The following TENM2 variants were observed in gnomAD, a reference collection of about 807,000 sequenced individuals.
TENM2 encodes the protein teneurin-2.
In TENM2, 52 loss-of-function variants were observed where a neutral mutation model predicts 245.2. That is an observed-to-expected ratio of 0.21 (90% CI 0.17 to 0.27). The LOEUF (loss-of-function observed/expected upper bound fraction) is 0.27, where lower values mean the gene tolerates loss of function less well. TENM2 is among the 10% of genes least tolerant of loss of function. The pLI, the probability that TENM2 is intolerant of heterozygous loss-of-function variation, is 1.00. For missense variants in TENM2, 3,046 were observed against 3,666.8 expected (o/e 0.83, Z 4.37); for synonymous variants, 1,363 against 1,438.9 (o/e 0.95, Z 1.19).
At chr5:167,346,773 C>G (rs867964596) in intron 1 of TENM2, among the ~76,000 whole-genome samples, 20 of 152,048 alleles carry the variant, frequency 1.3e-4, no homozygotes, top group Non-Finnish European at 2.5e-4. Flanking sequence ...CAAGCCCCAA[C>G]TATTTTTTTT....
At chr5:167,769,931 CAG>C (rs910261165) in intron 2 of TENM2, among the ~76,000 whole-genome samples, 9 of 152,078 alleles carry the variant, frequency 5.9e-5, no homozygotes, top group African/African-American at 2.2e-4. Context: ...CCAGTAAAGA[CAG>C]AGTTTGTTGT....
At chr5:167,244,200 A>C in the TENM2 span, among the ~76,000 whole-genome samples, 3 of 152,180 alleles carry the variant, frequency 2.0e-5, no homozygotes, top group Non-Finnish European at 4.4e-5. Flanking sequence ...AGGTCTTTAC[A>C]TTTAAGCTTA....
At chr5:167,404,978 C>A (rs6863935) in intron 2 of TENM2, among the ~76,000 whole-genome samples, 35,939 of 152,028 alleles carry the variant, frequency 0.24, 4,308 homozygotes, top group South Asian at 0.29. Context: ...ATCCATCAAT[C>A]TACTTTGTGA....
intron 27 of TENM2, among the ~76,000 whole-genome samples, chr5:168,248,938 G>A (rs1168156944): frequency 3.3e-5 from 5 of 152,116 alleles, no homozygotes; most frequent in Admixed American, 3.3e-4. Flanking sequence ...GGCCAAGATG[G>A]TGAAACACCA....
At chr5:167,495,251 T>G (rs1050468322) in intron 2 of TENM2, among the ~76,000 whole-genome samples, 7 of 151,708 alleles carry the variant, frequency 4.6e-5, no homozygotes, top group South Asian at 2.1e-4. Flanking sequence ...TTTGTTTTTT[T>G]TTTTTGCATA....
chr5:168,128,574 T>C (rs1796020707), intron 12 of TENM2, among the ~76,000 whole-genome samples: 1 of 152,230 alleles, frequency 6.6e-6, no homozygotes, highest in Non-Finnish European at 1.5e-5. Flanking sequence ...AGGGTTAGTG[T>C]TTCCACAATG....
the TENM2 span, among the ~76,000 whole-genome samples, chr5:167,162,941 A>C: frequency 6.6e-6 from 1 of 152,210 alleles, no homozygotes; most frequent in African/African-American, 2.4e-5. Context: ...CTCTCAATTG[A>C]ATGGGTAGAA....
chr5:167,208,813 TG>T, the TENM2 span, among the ~76,000 whole-genome samples: 1 of 152,236 alleles, frequency 6.6e-6, no homozygotes, highest in Non-Finnish European at 1.5e-5. Flanking sequence ...ATGTCTAAAA[TG>T]ACATCAGACC....
exon 3 of TENM2, chr5:167,876,100 C>A (rs1002425367): frequency 8.4e-6 from 13 of 1,551,542 alleles, no homozygotes; most frequent in Non-Finnish European, 1.7e-6. Context: ...AGCAACACCT[C>A]CCATCAAATC....
In TENM2 at chr5:168,218,994, C is replaced by G. The variant is rs1218930921; in HGVS notation, c.5103C>G (p.Phe1701Leu). ...GCGATGAAACAGGATGGACGACTTTCTATGAGTAAGTGGGTTTGTAAAGCA... is the reference window on the plus strand; with the variant it reads ...GCGATGAAACAGGATGGACGACTTTGTATGAGTAAGTGGGTTTGTAAAGCA... The change falls in exon 23 of 29, where the codon TTC (phenylalanine) becomes TTG (leucine). Residue 1701 changes from phenylalanine (F) to leucine (L), a missense_variant. Phe to Leu is a conservative substitution (Grantham distance 22). This residue lies in a region of TENM2 where 2,704 missense variants were observed against 3,331.9 expected (regional missense o/e 0.81). Transcript: ENST00000518659. This position sits in a 1 kb window ranked among gnomAD's most constrained non-coding sequence, Gnocchi z 5.2. The G allele has an allele frequency of 6.2e-7, 1 of 1,612,482 alleles. No homozygotes were observed.
At chr5:167,257,020 C>A in the TENM2 span, among the ~76,000 whole-genome samples, 3 of 152,032 alleles carry the variant, frequency 2.0e-5, no homozygotes, top group African/African-American at 7.2e-5. Flanking sequence ...GTAAAGATAT[C>A]TGCATTTTTC....
the TENM2 span, among the ~76,000 whole-genome samples, chr5:167,278,308 T>G: frequency 3.9e-5 from 6 of 152,088 alleles, no homozygotes; most frequent in African/African-American, 1.4e-4. Flanking sequence ...TGTCAAAAAA[T>G]AAAATGAAAT....
intron 2 of TENM2, among the ~76,000 whole-genome samples, chr5:167,766,920 A>G (rs1008738668): frequency 6.6e-6 from 1 of 152,088 alleles, no homozygotes; most frequent in Non-Finnish European, 1.5e-5. Context: ...ACAAAAAACA[A>G]AAAAACTAGA....
chr5:167,865,279 C>T (rs900586807), intron 2 of TENM2, among the ~76,000 whole-genome samples: 3 of 152,060 alleles, frequency 2.0e-5, no homozygotes, highest in Non-Finnish European at 4.4e-5. Flanking sequence ...CTCTCTCTCT[C>T]TTTTATTTAT....
chr5:167,792,982 A>G (rs1366886158), intron 2 of TENM2, among the ~76,000 whole-genome samples: 1 of 152,122 alleles, frequency 6.6e-6, no homozygotes. Flanking sequence ...AGGGAAGGAA[A>G]TCTTTTCTTT....
the TENM2 span, among the ~76,000 whole-genome samples, chr5:167,170,516 A>G: frequency 6.6e-6 from 1 of 152,150 alleles, no homozygotes; most frequent in South Asian, 2.1e-4. Context: ...TATTTGCCAA[A>G]TTTGCATGGC....
At chr5:168,162,843 C>A in intron 13 of TENM2, 86 bp downstream of exon 15, 1 of 1,428,188 alleles carries the variant, frequency 7.0e-7, no homozygotes, top group Non-Finnish European at 9.7e-7. Flanking sequence ...TCGGAAAGAC[C>A]TCCCCTGCAC....
At chr5:167,609,041 A>G (rs1355687261) in intron 2 of TENM2, among the ~76,000 whole-genome samples, 1 of 152,212 alleles carries the variant, frequency 6.6e-6, no homozygotes, top group Non-Finnish European at 1.5e-5. Context: ...TAAGCATGCT[A>G]TCCTCATGCT....
At chr5:167,392,493 G>T (rs1761814639) in intron 2 of TENM2, among the ~76,000 whole-genome samples, 1 of 152,142 alleles carries the variant, frequency 6.6e-6, no homozygotes, top group South Asian at 2.1e-4. Context: ...GTTTAAAGTG[G>T]GACAGCGGTT....
Sources: gnomAD v4.1 joint callset for allele counts (sites outside exome capture counted in the v4.1 genomes callset) on GRCh38, gnomAD v4.1.1 for gene constraint, gnomAD v4.1.1 regional missense constraint, Gnocchi (gnomAD v3.1) non-coding constraint, MANE v1.5 for transcripts, NCBI Gene and HGNC (gene_info 2026-07-23, HGNC 2026-07-21) for gene names.